STN1: variants seen among roughly 807,000 people sequenced by gnomAD.
STN1 encodes CST complex subunit STN1.
STN1 carries 29 observed loss-of-function variants against 45.5 expected under a neutral mutation model. The observed-to-expected ratio is 0.64, with a 90% CI of 0.47 to 0.87. STN1 has a LOEUF of 0.87. STN1 is among the 40% of genes least tolerant of loss of function. STN1 has a pLI of 0.00. For missense variants in STN1, 376 were observed against 441.4 expected, an observed-to-expected ratio of 0.85 and a Z score of 1.33; for synonymous variants, 148 against 159.0, an observed-to-expected ratio of 0.93 and a Z score of 0.52.
At position 103,898,936 on chromosome 10, in the gene STN1, G is replaced by A. The variant is rs767111375; in HGVS notation, c.522C>T (p.Tyr174=). The A allele has an allele frequency of 5.0e-6, 8 of 1,613,974 alleles. No homozygotes were observed. The highest frequency in any genetic ancestry group is 1.7e-4 in the Middle Eastern group (1 of 6,028). ...IARMLELPTI[Y]RKVYDQPFHS... is the part of the protein sequence containing the mutation. The stretch of plus-strand genomic sequence containing the variant: ...GAAAAGGCTGGTCATAAACTTTCCT[G>A]TAGATAGTGGGCAGCTCAAGCATCC... Residue 174 remains tyrosine, a synonymous_variant, in exon 6 of 10, where the codon TAC becomes TAT. Coordinates refer to ENST00000224950, the MANE Select transcript of STN1 (RefSeq NM_024928.5).
At chr10:103,889,014 G>A (rs1843120949) in intron 9 of STN1, 58 bp downstream of exon 9, 12 of 1,232,438 alleles carry the variant, frequency 9.7e-6, no homozygotes, top group South Asian at 6.1e-5. Flanking sequence ...AGTGCTCCCC[G>A]GGAGACAGTA....
In STN1 at chr10:103,882,682, G is replaced by T; in HGVS notation, c.*2C>A. The T allele has an allele frequency of 6.2e-7, 1 of 1,607,754 alleles. No individual in the cohort carries two copies. On this transcript the variant is annotated 3_prime_UTR_variant, in exon 10 of 10. Coordinates refer to ENST00000224950, the MANE Select transcript of STN1 (RefSeq NM_024928.5). ...CTCCTCAGCTGGTCTGCGTGTCTCT[G>T]CTCAGAACGCTGTGTAGTAGTGCTC...
intron 2 of STN1, among the ~76,000 whole-genome samples, chr10:103,916,775 T>C (rs1389802649): frequency 1.4e-5 from 2 of 145,654 alleles, no homozygotes; most frequent in Non-Finnish European, 3.0e-5. Context: ...CTATCTCTAG[T>C]AGCCACTATT....
intron 3 of STN1, among the ~76,000 whole-genome samples, chr10:103,909,332 A>C (rs1018123539): frequency 2.5e-4 from 36 of 141,478 alleles, no homozygotes; most frequent in South Asian, 8.8e-4. Flanking sequence ...GGAATTTCTG[A>C]CAGGATGATC....
intron 5 of STN1, 30 bp from the exon 6 acceptor site, chr10:103,899,030 A>G: frequency 6.2e-7 from 1 of 1,611,754 alleles, no homozygotes; most frequent in Non-Finnish European, 8.5e-7. Flanking sequence ...AAGATGCTAC[A>G]GAAATTACAA....
chr10:103,914,605 G>A (rs1177260887), intron 2 of STN1, among the ~76,000 whole-genome samples: 1 of 151,046 alleles, frequency 6.6e-6, no homozygotes, highest in Non-Finnish European at 1.5e-5. Flanking sequence ...CTCCCGCCTT[G>A]GCCTCCCAAA....
chr10:103,905,515 C>T (rs1347182532), intron 3 of STN1, among the ~76,000 whole-genome samples: 1 of 152,188 alleles, frequency 6.6e-6, no homozygotes. Context: ...TGAATGACTG[C>T]TCACATAGAA....
Position 103,910,631 on chromosome 10 carries a change from T to C in STN1, c.134-9A>G. The C allele has an allele frequency of 6.6e-7, 1 of 1,514,732 alleles. No homozygotes were observed. The highest frequency in any genetic ancestry group is 9.1e-7 in the Non-Finnish European group (1 of 1,093,112). 93.8% of individuals were successfully genotyped at this position (1,514,732 alleles called of 1,614,324 possible). ...ATTGTACAAAAATACACCTAAAATT[T>C]AAAAAAAGCAAAGTCGACATAATGT... On this transcript the variant is annotated splice_polypyrimidine_tract_variant and intron_variant, in intron 2 of 9. Transcript: ENST00000224950.
rs539972411 is a variant in STN1, at chr10:103,882,962, A to G, written c.950-121T>C. 53 of 951,938 alleles carry G rather than the reference A, an allele frequency of 5.6e-5. No homozygotes were observed. The African/African-American group carries it at 7.9e-4, about 14-fold the overall frequency. 59.0% of individuals were successfully genotyped at this position (951,938 alleles called of 1,614,324 possible). On this transcript the variant is annotated intron_variant, in intron 9 of 9. Coordinates refer to ENST00000224950, the MANE Select transcript of STN1 (RefSeq NM_024928.5). ...TCCCCAGATGATCTTTATGCACATT[A>G]AAGTCAGAAATGCATGATCTACCTG...
At position 103,897,593 on chromosome 10, in the gene STN1, C is replaced by G. The variant is rs1269667761; in HGVS notation, c.708G>C (p.Leu236=). Residue 236 remains leucine (L), a synonymous_variant, in exon 7 of 10, where the codon CTG becomes CTC. Coordinates refer to ENST00000224950, the MANE Select transcript of STN1 (RefSeq NM_024928.5). ...GAATCACAGGCTGATTGGCAAGGGACAGCAAAGACTCCACCATTTCCAGCT... is the reference window on the plus strand; with the variant it reads ...GAATCACAGGCTGATTGGCAAGGGAGAGCAAAGACTCCACCATTTCCAGCT... ...QQELEMVESL[L]SLANQPVIHS... 2 of 1,614,180 alleles carry G rather than the reference C, an allele frequency of 1.2e-6. No homozygotes were observed. Among genetic ancestry groups the G allele is most frequent in the Admixed American group, 1.7e-5 (1 of 60,034 alleles).
intron 7 of STN1, among the ~76,000 whole-genome samples, chr10:103,893,810 T>G (rs2134362300): frequency 6.6e-6 from 1 of 152,344 alleles, no homozygotes; most frequent in Middle Eastern, 3.4e-3. Flanking sequence ...TGTGTTCTCC[T>G]GGGCTAACAA....
intron 2 of STN1, among the ~76,000 whole-genome samples, chr10:103,911,719 C>A (rs1422511804): frequency 6.6e-6 from 1 of 152,096 alleles, no homozygotes; most frequent in African/African-American, 2.4e-5. Flanking sequence ...AAACAATGAT[C>A]ACCTCAGGCA....
intron 4 of STN1, among the ~76,000 whole-genome samples, chr10:103,900,738 T>TCTCC: frequency 6.8e-6 from 1 of 147,318 alleles, no homozygotes; most frequent in African/African-American, 2.5e-5. Context: ...ACACTCTCTC[T>TCTCC]CTCTCTCACA....
In STN1 at chr10:103,914,374, A is replaced by ATTTTTT. The variant is rs1264013304; in HGVS notation, c.133+3082_133+3087dup. Among the ~76,000 whole-genome samples, 11 of 97,414 alleles carry ATTTTTT rather than the reference A, an allele frequency of 1.1e-4. 1 individual carries two copies. Among genetic ancestry groups the ATTTTTT allele is most frequent in the African/African-American group, 4.4e-4 (9 of 20,410 alleles). The allele number at this position is 97,414 out of a possible 152,430, so 63.9% of individuals were successfully genotyped here. A position where few individuals can be genotyped will look rare whatever the true frequency, so the allele number is the denominator to read the frequency against. The stretch of plus-strand genomic sequence containing the variant: ...TATATATATATATATATATATATAT[A>ATTTTTT]TTTTTTTTTTTTTTTTTTGAGACAG... On this transcript the variant is annotated intron_variant, in intron 2 of 9. Coordinates refer to ENST00000224950, the MANE Select transcript of STN1 (RefSeq NM_024928.5).
intron 9 of STN1, among the ~76,000 whole-genome samples, chr10:103,888,867 C>T (rs1176905854): frequency 2.0e-5 from 3 of 152,154 alleles, no homozygotes; most frequent in Admixed American, 6.5e-5. Context: ...ATCTTATGTA[C>T]AGCCAAGATC....
chr10:103,897,027 G>C (rs549653794), intron 7 of STN1, among the ~76,000 whole-genome samples: 1 of 152,076 alleles, frequency 6.6e-6, no homozygotes, highest in Non-Finnish European at 1.5e-5. Context: ...AAAATGATTC[G>C]CGAACTTGAA....
At chr10:103,887,220 T>C (rs1435830265) in intron 9 of STN1, among the ~76,000 whole-genome samples, 5 of 152,244 alleles carry the variant, frequency 3.3e-5, no homozygotes, top group Admixed American at 3.3e-4. Context: ...TCATGTGTAC[T>C]GTTGACCTCT....
chr10:103,895,544 A>G (rs1564632745), intron 7 of STN1, among the ~76,000 whole-genome samples: 1 of 152,210 alleles, frequency 6.6e-6, no homozygotes, highest in Non-Finnish European at 1.5e-5. Flanking sequence ...AACTGTTTAG[A>G]AGCAACCTTG....
intron 8 of STN1, among the ~76,000 whole-genome samples, chr10:103,890,536 C>T (rs1373958455): frequency 1.3e-5 from 2 of 152,180 alleles, no homozygotes; most frequent in Non-Finnish European, 2.9e-5. Context: ...GGAAGGGCTG[C>T]TCTCTAAAGG....
Sources: gnomAD v4.1 joint callset for allele counts (sites outside exome capture counted in the v4.1 genomes callset) on GRCh38, gnomAD v4.1.1 for gene constraint, MANE v1.5 for transcripts, NCBI Gene and HGNC (gene_info 2026-07-23, HGNC 2026-07-21) for gene names.